Variants in LRRC8D observed in about 807,000 individuals in gnomAD.
LRRC8D encodes volume-regulated anion channel subunit LRRC8D.
A neutral mutation model predicts 55.8 loss-of-function variants in LRRC8D; 20 were observed. The ratio of observed to expected loss-of-function variants is 0.36; its 90% CI spans 0.25 to 0.52. The LOEUF (loss-of-function observed/expected upper bound fraction) is 0.52, where lower values mean the gene tolerates loss of function less well. LRRC8D is among the 20% of genes least tolerant of loss of function. LRRC8D has a pLI of 0.93. For missense variants in LRRC8D, 651 were observed against 1,030.8 expected (o/e 0.63, Z 5.05); for synonymous variants, 352 against 377.0 (o/e 0.93, Z 0.77).
rs79333750 is a variant in LRRC8D at position 89,922,965 on chromosome 1, T to C, written c.-2-10102T>C. Among the ~76,000 whole-genome samples the C allele has an allele frequency of 2.6e-3, 394 of 152,368 alleles. 1 individual carries two copies. Among genetic ancestry groups the C allele is most frequent in the African/African-American group, 9.1e-3 (379 of 41,594 alleles). ...AGAATTGTCCAACAACCATGTCTTCTGATTTTTGAACTGTTACTGATTTTT... is the reference window on the plus strand; with the variant it reads ...AGAATTGTCCAACAACCATGTCTTCCGATTTTTGAACTGTTACTGATTTTT... On this transcript the variant is annotated intron_variant, in intron 2 of 2. Transcript: ENST00000337338.
chr1:89,829,111 G>T (rs1344568735), intron 1 of LRRC8D, among the ~76,000 whole-genome samples: 1 of 152,154 alleles, frequency 6.6e-6, no homozygotes, highest in Non-Finnish European at 1.5e-5. Flanking sequence ...TTGGAAAAAT[G>T]GTCCCCATGG....
rs1426195520 is a variant in LRRC8D, at chr1:89,911,164, A to G, written c.-2-21903A>G. ...TACAGAGCTACTCACTCATATGTCC[A>G]TGCATTTTTGGGGTTTTTTTTTTTT... On this transcript the variant is annotated intron_variant, in intron 2 of 2. Transcript: ENST00000337338. This position sits in a 1 kb window ranked among gnomAD's most constrained non-coding sequence, Gnocchi z 4.0. Among the ~76,000 whole-genome samples, 1 of 147,744 alleles carries G rather than the reference A, an allele frequency of 6.8e-6. No homozygotes were observed. Among genetic ancestry groups the G allele is most frequent in the African/African-American group, 2.5e-5 (1 of 40,452 alleles).
intron 2 of LRRC8D, among the ~76,000 whole-genome samples, chr1:89,844,660 G>T (rs1351081401): frequency 6.6e-6 from 1 of 152,170 alleles, no homozygotes; most frequent in East Asian, 1.9e-4. Context: ...GTTCATAGGA[G>T]AATAAAACAC....
Position 89,889,627 on chromosome 1 carries a change from A to G in LRRC8D, c.-2-43440A>G, listed in dbSNP as rs558145363. Among the ~76,000 whole-genome samples, 429 of 151,328 alleles carry G rather than the reference A, an allele frequency of 2.8e-3. 1 individual carries two copies. The highest frequency in any genetic ancestry group is 9.8e-3 in the African/African-American group (405 of 41,284). On this transcript the variant is annotated intron_variant, in intron 2 of 2. Coordinates refer to ENST00000337338, the MANE Select transcript of LRRC8D (RefSeq NM_001134479.2). ...CTGGATGCACTGGCTCATTCCTGTA[A>G]TCCCCGCACTTTGGGAGGCCGAGGC...
At position 89,837,939 on chromosome 1, in the gene LRRC8D, C is replaced by T. The variant is rs561871643; in HGVS notation, c.-147-5699C>T. 1.2e-3 allele frequency among the ~76,000 whole-genome samples: 186 copies of T among 152,118 alleles called. 1 individual carries two copies. The highest frequency in any genetic ancestry group is 2.0e-3 in the Non-Finnish European group (135 of 68,022). On this transcript the variant is annotated intron_variant, in intron 1 of 2. Transcript: ENST00000337338. ...TGTATTCAAGATATGATGTGTGTGA[C>T]TTATTCCTTATGAACTCTGAAAGTC... is the stretch of plus-strand genomic sequence containing the variant.
intron 2 of LRRC8D, among the ~76,000 whole-genome samples, chr1:89,861,187 C>T (rs191164195): frequency 2.5e-3 from 382 of 152,278 alleles, no homozygotes; most frequent in Non-Finnish European, 4.4e-3. Context: ...ACCATTCAGT[C>T]ACAAGCTTTG....
At chr1:89,885,988 A>G (rs1250443915) in intron 2 of LRRC8D, among the ~76,000 whole-genome samples, 1 of 152,174 alleles carries the variant, frequency 6.6e-6, no homozygotes, top group Non-Finnish European at 1.5e-5. Context: ...TGGTTTGTTG[A>G]GATGCTTTAC....
chr1:89,885,018 A>G (rs1462751845), intron 2 of LRRC8D, among the ~76,000 whole-genome samples: 1 of 152,056 alleles, frequency 6.6e-6, no homozygotes, highest in Admixed American at 6.5e-5. Flanking sequence ...TCATCCTCCC[A>G]TCTCCCCACA....
intron 2 of LRRC8D, among the ~76,000 whole-genome samples, chr1:89,932,540 C>G (rs1570900870): frequency 6.6e-6 from 1 of 152,202 alleles, no homozygotes; most frequent in South Asian, 2.1e-4. Context: ...ACCTTTCCAA[C>G]AACCCTTAGA....
At chr1:89,887,987 G>A (rs1297733144) in intron 2 of LRRC8D, among the ~76,000 whole-genome samples, 5 of 152,082 alleles carry the variant, frequency 3.3e-5, no homozygotes, top group Admixed American at 3.3e-4. Context: ...ATGTAAAAAG[G>A]CACCAAGGGA....
chr1:89,861,572 T>G (rs1410713260), intron 2 of LRRC8D, among the ~76,000 whole-genome samples: 1 of 152,238 alleles, frequency 6.6e-6, no homozygotes, highest in Non-Finnish European at 1.5e-5. Context: ...GTAGCATCAC[T>G]GTCCATGTCA....
chr1:89,839,711 A>G (rs986505174), intron 1 of LRRC8D, among the ~76,000 whole-genome samples: 5 of 152,178 alleles, frequency 3.3e-5, no homozygotes, highest in Admixed American at 6.5e-5. Context: ...ATCCTGTTGC[A>G]TGTGCTACCC....
chr1:89,834,208 T>A (rs1660951796), intron 1 of LRRC8D, among the ~76,000 whole-genome samples: 1 of 152,218 alleles, frequency 6.6e-6, no homozygotes, highest in Non-Finnish European at 1.5e-5. Context: ...AGAAATCACT[T>A]AACATTTATC....
intron 1 of LRRC8D, among the ~76,000 whole-genome samples, chr1:89,836,863 A>T (rs181811855): frequency 6.1e-4 from 93 of 152,244 alleles, no homozygotes; most frequent in Admixed American, 2.3e-3. Context: ...CTCCCAAATT[A>T]ATGTTATGTG....
chr1:89,841,397 C>CCT (rs1420273149), intron 1 of LRRC8D, among the ~76,000 whole-genome samples: 2 of 2,662 alleles, frequency 7.5e-4, no homozygotes, highest in Non-Finnish European at 1.8e-3. Flanking sequence ...GTCAAGACCA[C>CCT]CCCCCCCCTT....
intron 2 of LRRC8D, among the ~76,000 whole-genome samples, chr1:89,864,557 A>G (rs1405467454): frequency 6.6e-6 from 1 of 152,120 alleles, no homozygotes; most frequent in Non-Finnish European, 1.5e-5. Flanking sequence ...GCTGCAGTCC[A>G]CAGCTCCAGT....
At chr1:89,852,600 C>CT (rs1661447097) in intron 2 of LRRC8D, among the ~76,000 whole-genome samples, 1 of 152,120 alleles carries the variant, frequency 6.6e-6, no homozygotes, top group Non-Finnish European at 1.5e-5. Context: ...TTTTTTATAA[C>CT]TTAAGGCACT....
At position 89,934,841 on chromosome 1, in the gene LRRC8D, G is replaced by A; in HGVS notation, c.1773G>A (p.Lys591=). The change falls in exon 3 of 3, where the codon AAG becomes AAA. Residue 591 remains lysine, a synonymous_variant. Coordinates refer to ENST00000337338, the MANE Select transcript of LRRC8D (RefSeq NM_001134479.2). The surrounding 1 kb of genome is among the most constrained non-coding windows in gnomAD (Gnocchi z 5.9). ...CTCTCCGAGAGTTGCGGCACCTTAA[G>A]ATTCTCCACGTGAAGAGCAATTTGA... ...LESLRELRHL[K]ILHVKSNLTK... 6.2e-7 allele frequency: 1 copy of A among 1,614,122 alleles called. No homozygotes were observed. Among genetic ancestry groups the A allele is most frequent in the Non-Finnish European group, 8.5e-7 (1 of 1,180,030 alleles).
chr1:89,935,629 T>G lies in LRRC8D; in HGVS notation c.2561T>G (p.Phe854Cys). The G allele has an allele frequency of 6.2e-7, 1 of 1,613,692 alleles. No homozygotes were observed. Among genetic ancestry groups the G allele is most frequent in the African/African-American group, 1.3e-5 (1 of 75,062 alleles). The change falls in exon 3 of 3, where the codon TTT (phenylalanine) becomes TGT (cysteine). Residue 854 changes from phenylalanine to cysteine, a missense_variant. Phe to Cys is a radical substitution (Grantham distance 205, BLOSUM62 -2). This residue lies in a region of LRRC8D where 338 missense variants were observed against 479.4 expected (regional missense o/e 0.71). Coordinates refer to ENST00000337338, the MANE Select transcript of LRRC8D (RefSeq NM_001134479.2). ...TTGAATCAAGACATAAATATTCCCT[T>G]TGCAAATGGGATTTAAACTAAGATA... ...EALNQDINIP[F>C]ANGI
Sources: gnomAD v4.1 joint callset for allele counts (sites outside exome capture counted in the v4.1 genomes callset) on GRCh38, gnomAD v4.1.1 for gene constraint, gnomAD v4.1.1 regional missense constraint, Gnocchi (gnomAD v3.1) non-coding constraint, MANE v1.5 for transcripts, NCBI Gene and HGNC (gene_info 2026-07-23, HGNC 2026-07-21) for gene names.